The following ZDHHC21 variants were observed in gnomAD, a reference collection of about 807,000 sequenced individuals.
ZDHHC21 encodes the protein palmitoyltransferase ZDHHC21.
Under a neutral mutation model 34.6 loss-of-function variants are expected in ZDHHC21, and 15 were observed. The ratio of observed to expected loss-of-function variants is 0.43; its 90% CI spans 0.29 to 0.67. ZDHHC21 has a LOEUF of 0.67. Ranked by LOEUF, ZDHHC21 falls within the 30% of genes least tolerant of loss-of-function variation. The pLI is 0.14. For synonymous variants in ZDHHC21, 142 were observed against 101.8 expected (o/e 1.40, Z -2.38); for missense variants, 344 against 327.7 (o/e 1.05, Z -0.38).
intron 8 of ZDHHC21, among the ~76,000 whole-genome samples, chr9:14,638,137 CA>C (rs1286306882): frequency 6.6e-6 from 1 of 151,980 alleles, no homozygotes; most frequent in Non-Finnish European, 1.5e-5. Flanking sequence ...TATGAGGCTA[CA>C]GTAACCAAAA....
chr9:14,637,317 G>C (rs1467778097), intron 8 of ZDHHC21, among the ~76,000 whole-genome samples: 2 of 151,842 alleles, frequency 1.3e-5, no homozygotes, highest in Admixed American at 1.3e-4. Flanking sequence ...TAAATTCCCA[G>C]ACACATAAAA....
the ZDHHC21 span, among the ~76,000 whole-genome samples, chr9:14,603,865 C>A: frequency 6.6e-6 from 1 of 152,108 alleles, no homozygotes; most frequent in African/African-American, 2.4e-5. Flanking sequence ...CTCATAAGAG[C>A]ATAATTTTTT....
At chr9:14,619,571 A>T in intron 9 of ZDHHC21, 68 bp downstream of exon 9, 2 of 1,205,828 alleles carry the variant, frequency 1.7e-6, no homozygotes, top group Non-Finnish European at 2.3e-6. Context: ...CCATATGCAC[A>T]TATTTCTCAA....
chr9:14,654,030 T>A (rs1831736078), intron 7 of ZDHHC21, among the ~76,000 whole-genome samples: 1 of 151,970 alleles, frequency 6.6e-6, no homozygotes, highest in Non-Finnish European at 1.5e-5. Context: ...GCTTTTTATC[T>A]GAAAGTACCT....
chr9:14,681,441 T>C (rs573543218), intron 2 of ZDHHC21, among the ~76,000 whole-genome samples: 28 of 152,296 alleles, frequency 1.8e-4, no homozygotes, highest in African/African-American at 6.5e-4. Context: ...ACCAATTTCA[T>C]GACCCACAGG....
At chr9:14,662,745 C>T (rs1393307061) in intron 5 of ZDHHC21, among the ~76,000 whole-genome samples, 8 of 152,158 alleles carry the variant, frequency 5.3e-5, no homozygotes, top group Non-Finnish European at 1.2e-4. Flanking sequence ...AATGCTGACC[C>T]TGGTTTCAAT....
At chr9:14,626,510 T>A (rs1470065310) in intron 8 of ZDHHC21, among the ~76,000 whole-genome samples, 1 of 151,916 alleles carries the variant, frequency 6.6e-6, no homozygotes, top group Non-Finnish European at 1.5e-5. Context: ...ATTAGTTTTA[T>A]CAAAAATACT....
At chr9:14,602,665 G>T in the ZDHHC21 span, among the ~76,000 whole-genome samples, 1 of 151,894 alleles carries the variant, frequency 6.6e-6, no homozygotes, top group African/African-American at 2.4e-5. Context: ...TTATAGGTCA[G>T]AAAAAATGGG....
chr9:14,684,648 A>G (rs1389592605), intron 2 of ZDHHC21, among the ~76,000 whole-genome samples: 1 of 152,064 alleles, frequency 6.6e-6, no homozygotes, highest in East Asian at 1.9e-4. Flanking sequence ...TACAGATTCA[A>G]TGCCATCCCC....
chr9:14,604,688 C>T, the ZDHHC21 span, among the ~76,000 whole-genome samples: 1 of 152,272 alleles, frequency 6.6e-6, no homozygotes, highest in South Asian at 2.1e-4. Flanking sequence ...TCATACTTCA[C>T]ATTACTTTTT....
intron 8 of ZDHHC21, chr9:14,622,448 T>C (rs571502788): frequency 2.4e-6 from 2 of 828,456 alleles, no homozygotes; most frequent in South Asian, 5.6e-5. Context: ...GAGAAAGAGA[T>C]ATCTCTTGGC....
At chr9:14,663,540 CTCTT>C (rs1242293396) in intron 5 of ZDHHC21, among the ~76,000 whole-genome samples, 1 of 54,384 alleles carries the variant, frequency 1.8e-5, no homozygotes, top group Non-Finnish European at 4.1e-5. Context: ...TCTTTTTTTT[CTCTT>C]TTTTTTCTTC....
At chr9:14,637,891 C>CAAGG (rs1828589395) in intron 8 of ZDHHC21, among the ~76,000 whole-genome samples, 1 of 151,902 alleles carries the variant, frequency 6.6e-6, no homozygotes, top group South Asian at 2.1e-4. Context: ...AAGAGACAAA[C>CAAGG]AAAGGAAAGC....
chr9:14,620,418 T>G (rs866380618), intron 8 of ZDHHC21, among the ~76,000 whole-genome samples: 1 of 151,972 alleles, frequency 6.6e-6, no homozygotes, highest in Non-Finnish European at 1.5e-5. Flanking sequence ...AATTACACAA[T>G]CTTATTTTTA....
intron 1 of ZDHHC21, among the ~76,000 whole-genome samples, chr9:14,692,144 C>G (rs1839248961): frequency 6.6e-6 from 1 of 152,146 alleles, no homozygotes; most frequent in Admixed American, 6.5e-5. Context: ...TAAGGAAAAA[C>G]AGAGCATCTC....
intron 7 of ZDHHC21, among the ~76,000 whole-genome samples, chr9:14,651,207 C>T (rs1831182675): frequency 6.6e-6 from 1 of 151,778 alleles, no homozygotes; most frequent in Non-Finnish European, 1.5e-5. Flanking sequence ...AACAGACTGC[C>T]TCAATGAAAA....
chr9:14,690,022 A>T (rs1020240329), intron 2 of ZDHHC21, among the ~76,000 whole-genome samples: 1 of 152,218 alleles, frequency 6.6e-6, no homozygotes, highest in African/African-American at 2.4e-5. Flanking sequence ...AGGGACTGAA[A>T]AGGCAAGATT....
chr9:14,673,750 CTAA>C (rs1368770426), intron 4 of ZDHHC21, among the ~76,000 whole-genome samples: 1 of 152,004 alleles, frequency 6.6e-6, no homozygotes. Context: ...CACCAATTGA[CTAA>C]TAACTATCCA....
intron 7 of ZDHHC21, among the ~76,000 whole-genome samples, chr9:14,652,656 C>G (rs1301318756): frequency 6.6e-6 from 1 of 151,862 alleles, no homozygotes. Context: ...AAATCAGGCT[C>G]CCAATCTGTT....
Sources: gnomAD v4.1 joint callset for allele counts (sites outside exome capture counted in the v4.1 genomes callset) on GRCh38, gnomAD v4.1.1 for gene constraint, MANE v1.5 for transcripts, NCBI Gene and HGNC (gene_info 2026-07-23, HGNC 2026-07-21) for gene names.